The following STON2 variants were observed in gnomAD, a reference collection of about 807,000 sequenced individuals.
STON2 encodes the protein stonin 2, also known as stonin-2.
STON2 carries 29 observed loss-of-function variants against 65.7 expected under a neutral mutation model. That is an observed-to-expected ratio of 0.44 (90% CI 0.33 to 0.60). The LOEUF is 0.60. Among genes scored for constraint, STON2 ranks in the 20% least tolerant of loss-of-function variants. STON2 has a pLI of 0.03. For synonymous variants in STON2, 404 were observed against 414.2 expected, an observed-to-expected ratio of 0.98 and a Z score of 0.30; for missense variants, 1,054 against 1,118.1, an observed-to-expected ratio of 0.94 and a Z score of 0.82.
In STON2 at chr14:81,267,309, C is replaced by T. The variant is rs1894394327; in HGVS notation, c.*1105G>A. 1 of 985,278 alleles carries T rather than the reference C, an allele frequency of 1.0e-6. No individual in the cohort carries two copies. The highest frequency in any genetic ancestry group is 1.7e-5 in the African/African-American group (1 of 57,218). The allele number at this position is 985,278 out of a possible 1,614,324, so 61.0% of individuals were successfully genotyped here. ...AGAAAAATATGGCTTTTCCACGTCT[C>T]TACCCTAGAGATGCCTTTTCAATCC... On this transcript the variant is annotated 3_prime_UTR_variant, in exon 8 of 8. Transcript: ENST00000614646.
chr14:81,327,867 C>T (rs556409625), intron 4 of STON2, among the ~76,000 whole-genome samples: 1 of 152,208 alleles, frequency 6.6e-6, no homozygotes, highest in Non-Finnish European at 1.5e-5. Flanking sequence ...ATTCAGAAAC[C>T]TTCAGTCAAA....
rs536537633 is a variant in STON2, at chr14:81,381,931, C to A, written c.374-10746G>T. On this transcript the variant is annotated intron_variant, in intron 3 of 7. Transcript: ENST00000614646. ...AGTGCATTATCATCTTAGAAACAAC[C>A]CAAATGGGCCGGGCACGGTGGCTCA... Among the ~76,000 whole-genome samples the A allele has an allele frequency of 2.0e-5, 3 of 152,012 alleles. No individual in the cohort carries two copies. The South Asian group carries it at 6.2e-4, about 32-fold the overall frequency.
chr14:81,419,366 G>A (rs555570250), intron 2 of STON2, among the ~76,000 whole-genome samples: 1 of 152,118 alleles, frequency 6.6e-6, no homozygotes, highest in Non-Finnish European at 1.5e-5. Flanking sequence ...ATATATCACA[G>A]ATATTCTTAA....
chr14:81,395,657 G>T, intron 3 of STON2: 3 of 506,730 alleles, frequency 5.9e-6, no homozygotes, highest in Non-Finnish European at 7.0e-6. Context: ...AACAGCCAGG[G>T]ACAAGAGTAA....
At chr14:81,300,654 C>G (rs1344232505) in intron 5 of STON2, among the ~76,000 whole-genome samples, 3 of 152,112 alleles carry the variant, frequency 2.0e-5, no homozygotes, top group African/African-American at 7.2e-5. Context: ...CTAAATACTC[C>G]CATGATAATA....
intron 4 of STON2, among the ~76,000 whole-genome samples, chr14:81,334,576 T>C (rs899155574): frequency 6.6e-6 from 1 of 152,202 alleles, no homozygotes; most frequent in African/African-American, 2.4e-5. Flanking sequence ...CCAGTTCCTC[T>C]TAGCCAACTG....
At chr14:81,384,482 C>G (rs765611556) in intron 3 of STON2, among the ~76,000 whole-genome samples, 1 of 148,662 alleles carries the variant, frequency 6.7e-6, no homozygotes, top group Non-Finnish European at 1.5e-5. Context: ...GTGATCTGCC[C>G]GCCTCAGCCT....
At chr14:81,283,776 G>A (rs936523793) in intron 5 of STON2, among the ~76,000 whole-genome samples, 1 of 152,036 alleles carries the variant, frequency 6.6e-6, no homozygotes, top group Non-Finnish European at 1.5e-5. Context: ...TGATCCGCCC[G>A]CCTCGGCCTC....
intron 2 of STON2, among the ~76,000 whole-genome samples, chr14:81,410,865 T>C (rs1901121567): frequency 6.6e-6 from 1 of 152,166 alleles, no homozygotes; most frequent in Non-Finnish European, 1.5e-5. Context: ...TTAAATAATT[T>C]CCCAATATGG....
rs1182684390 is a variant in STON2 at position 81,265,272 on chromosome 14, C to G, written c.*3142G>C. 2.0e-6 allele frequency: 2 copies of G among 983,762 alleles called. No homozygotes were observed. The highest frequency in any genetic ancestry group is 3.5e-5 in the African/African-American group (2 of 57,160). 60.9% of individuals were successfully genotyped at this position (983,762 alleles called of 1,614,324 possible). A position where few individuals can be genotyped will look rare whatever the true frequency, so the allele number is the denominator to read the frequency against. On this transcript the variant is annotated 3_prime_UTR_variant, in exon 8 of 8. Transcript: ENST00000614646. ...ATATATAGTATTATTATCCCCAAAC[C>G]CCTAAATGCTACCCATAATCAGTTT...
chr14:81,410,456 G>C (rs1478322349), intron 2 of STON2, among the ~76,000 whole-genome samples: 2 of 152,146 alleles, frequency 1.3e-5, no homozygotes, highest in Non-Finnish European at 2.9e-5. Flanking sequence ...TTAAGACAGG[G>C]AGATGATCCA....
rs1425198887 is a variant in STON2 at position 81,322,654 on chromosome 14, C to T, written c.742+1363G>A. 1.3e-5 allele frequency among the ~76,000 whole-genome samples: 2 copies of T among 152,180 alleles called. 1 individual carries two copies. The highest frequency in any genetic ancestry group is 2.9e-5 in the Non-Finnish European group (2 of 68,026). ...GCAAAAGACATACTACTGCACTTTCCTGAAACTTGGAAGAGGGGCATTCAC... is the reference window on the plus strand; with the variant it reads ...GCAAAAGACATACTACTGCACTTTCTTGAAACTTGGAAGAGGGGCATTCAC... On this transcript the variant is annotated intron_variant, in intron 5 of 7. Coordinates refer to ENST00000614646, the MANE Select transcript of STON2 (RefSeq NM_001394390.1).
intron 1 of STON2, among the ~76,000 whole-genome samples, chr14:81,430,694 A>T (rs113578989): frequency 0.039 from 5,981 of 152,312 alleles, 154 homozygotes; most frequent in South Asian, 0.074. Flanking sequence ...GTAACACTAA[A>T]GTCTACCTCC....
At chr14:81,354,812 T>G (rs899678821) in intron 4 of STON2, among the ~76,000 whole-genome samples, 27 of 151,050 alleles carry the variant, frequency 1.8e-4, no homozygotes, top group African/African-American at 6.3e-4. Flanking sequence ...AGGTCAGGAG[T>G]TCAAGACCAG....
intron 4 of STON2, among the ~76,000 whole-genome samples, chr14:81,344,601 G>A (rs2012796): frequency 0.26 from 39,971 of 152,016 alleles, 5,782 homozygotes; most frequent in South Asian, 0.34. Flanking sequence ...CTGCAGTACT[G>A]TACACACAGC....
At position 81,268,267 on chromosome 14, in the gene STON2, AG is replaced by A; in HGVS notation, c.*146del. The A allele has an allele frequency of 8.7e-7, 1 of 1,154,360 alleles. No homozygotes were observed. The highest frequency in any genetic ancestry group is 1.1e-6 in the Non-Finnish European group (1 of 925,510). The allele number at this position is 1,154,360 out of a possible 1,614,324, so 71.5% of individuals were successfully genotyped here. ...TGGTAAAATACAAGTAACTGCAAAC[AG>A]GAAGATCTGGTATACTGTTCCCAAC... is the stretch of plus-strand genomic sequence containing the variant. On this transcript the variant is annotated 3_prime_UTR_variant, in exon 8 of 8. Coordinates refer to ENST00000614646, the MANE Select transcript of STON2 (RefSeq NM_001394390.1).
At chr14:81,313,323 G>A (rs1015853623) in intron 5 of STON2, among the ~76,000 whole-genome samples, 1 of 152,332 alleles carries the variant, frequency 6.6e-6, no homozygotes, top group Admixed American at 6.5e-5. Flanking sequence ...CTTGAGGACA[G>A]AGACTGCAAT....
chr14:81,287,910 C>T (rs987486703), intron 5 of STON2, among the ~76,000 whole-genome samples: 1 of 152,120 alleles, frequency 6.6e-6, no homozygotes, highest in Admixed American at 6.5e-5. Context: ...TAGATGAGGG[C>T]TCCATTCTCC....
At chr14:81,417,015 T>C (rs1480142801) in intron 2 of STON2, among the ~76,000 whole-genome samples, 1 of 152,304 alleles carries the variant, frequency 6.6e-6, no homozygotes, top group East Asian at 1.9e-4. Context: ...ATTTCCCAGG[T>C]AGATGACGCA....
Sources: gnomAD v4.1 joint callset for allele counts (sites outside exome capture counted in the v4.1 genomes callset) on GRCh38, gnomAD v4.1.1 for gene constraint, MANE v1.5 for transcripts, NCBI Gene and HGNC (gene_info 2026-07-23, HGNC 2026-07-21) for gene names.